The following RANBP2 variants were observed in gnomAD, a reference collection of about 807,000 sequenced individuals.
The protein encoded by RANBP2 is E3 SUMO-protein ligase RanBP2.
In RANBP2, 57 loss-of-function variants were observed where a neutral mutation model predicts 303.6. The ratio of observed to expected loss-of-function variants is 0.19; its 90% CI spans 0.15 to 0.23. The LOEUF (loss-of-function observed/expected upper bound fraction) is 0.23. Ranked by LOEUF, RANBP2 falls within the 10% of genes least tolerant of loss-of-function variation. The pLI is 1.00. For missense variants in RANBP2, 3,138 were observed against 3,780.8 expected, an observed-to-expected ratio of 0.83 and a Z score of 4.46; for synonymous variants, 1,167 against 1,301.5, an observed-to-expected ratio of 0.90 and a Z score of 2.23.
At chr2:109,667,202 A>G in the RANBP2 span, 14 of 1,222,024 alleles carry the variant, frequency 1.1e-5, no homozygotes, top group African/African-American at 1.5e-5. Flanking sequence ...AAGCCTTGCC[A>G]TTTAAGAACA....
the RANBP2 span, among the ~76,000 whole-genome samples, chr2:108,870,723 G>A: frequency 2.0e-5 from 3 of 152,322 alleles, no homozygotes; most frequent in East Asian, 5.8e-4. Flanking sequence ...AATAAGCCAG[G>A]CACAAAAGGA....
chr2:108,930,150 G>A, the RANBP2 span: 1 of 1,614,000 alleles, frequency 6.2e-7, no homozygotes, highest in South Asian at 1.1e-5. Flanking sequence ...GCCCACACGG[G>A]GGGCACTCCT....
At chr2:109,388,797 T>C in the RANBP2 span, among the ~76,000 whole-genome samples, 1 of 151,950 alleles carries the variant, frequency 6.6e-6, no homozygotes, top group African/African-American at 2.4e-5. Context: ...ACTTTGGCTT[T>C]GTTCTCCTAG....
chr2:108,855,643 C>T, the RANBP2 span, among the ~76,000 whole-genome samples: 1 of 152,198 alleles, frequency 6.6e-6, no homozygotes, highest in Admixed American at 6.5e-5. Context: ...TAAATTCTAC[C>T]AATGGTAAAA....
chr2:108,953,233 C>T, the RANBP2 span, among the ~76,000 whole-genome samples: 2 of 152,190 alleles, frequency 1.3e-5, no homozygotes, highest in Admixed American at 6.5e-5. Flanking sequence ...TTGCTTATCC[C>T]TGTGAGGCAT....
the RANBP2 span, among the ~76,000 whole-genome samples, chr2:109,028,997 C>G: frequency 6.6e-6 from 1 of 152,004 alleles, no homozygotes; most frequent in Non-Finnish European, 1.5e-5. Context: ...ATTGCCCAGG[C>G]TGGTCTCAAA....
chr2:109,505,446 G>A, the RANBP2 span, among the ~76,000 whole-genome samples: 2 of 152,202 alleles, frequency 1.3e-5, no homozygotes, highest in Admixed American at 6.5e-5. Flanking sequence ...GCTAAGGCAG[G>A]AGGATTGCTT....
At chr2:109,383,044 A>G in the RANBP2 span, among the ~76,000 whole-genome samples, 1 of 152,226 alleles carries the variant, frequency 6.6e-6, no homozygotes, top group Non-Finnish European at 1.5e-5. Flanking sequence ...CATTTAAAGA[A>G]GTTTGGAGGA....
the RANBP2 span, among the ~76,000 whole-genome samples, chr2:109,078,694 C>A: frequency 6.6e-6 from 1 of 150,410 alleles, no homozygotes; most frequent in Non-Finnish European, 1.5e-5. Flanking sequence ...AAAAAGGTGA[C>A]CATGTGGGCC....
chr2:109,471,714 C>T, the RANBP2 span, among the ~76,000 whole-genome samples: 1 of 152,212 alleles, frequency 6.6e-6, no homozygotes, highest in African/African-American at 2.4e-5. Context: ...CACTCACCCC[C>T]TTGCTGTCTC....
the RANBP2 span, among the ~76,000 whole-genome samples, chr2:109,692,065 AG>A: frequency 6.6e-6 from 1 of 152,314 alleles, no homozygotes; most frequent in South Asian, 2.1e-4. Flanking sequence ...TACAGGCGTG[AG>A]CCACCATGCC....
At chr2:109,297,903 T>A in the RANBP2 span, among the ~76,000 whole-genome samples, 8 of 151,320 alleles carry the variant, frequency 5.3e-5, no homozygotes, top group African/African-American at 1.9e-4. Context: ...CCCACAACCA[T>A]GTCAATGCTC....
chr2:108,721,501 C>T (rs1020043060), intron 1 of RANBP2, among the ~76,000 whole-genome samples: 13 of 152,064 alleles, frequency 8.5e-5, no homozygotes, highest in African/African-American at 2.9e-4. Flanking sequence ...GATGCAGTGG[C>T]GCTATCTCGA....
At chr2:109,034,674 T>G in the RANBP2 span, among the ~76,000 whole-genome samples, 1 of 152,212 alleles carries the variant, frequency 6.6e-6, no homozygotes, top group Non-Finnish European at 1.5e-5. Context: ...ACTCCTAGAT[T>G]CATTGCAAAT....
chr2:109,360,911 G>C, the RANBP2 span, among the ~76,000 whole-genome samples: 2 of 152,178 alleles, frequency 1.3e-5, no homozygotes, highest in Non-Finnish European at 2.9e-5. Flanking sequence ...TAGTGGGAAA[G>C]TTTAAAGTTT....
the RANBP2 span, among the ~76,000 whole-genome samples, chr2:109,106,515 A>G: frequency 3.3e-5 from 5 of 152,144 alleles, no homozygotes; most frequent in African/African-American, 1.2e-4. Flanking sequence ...TGTCAACACA[A>G]CCTGCAAAAT....
the RANBP2 span, among the ~76,000 whole-genome samples, chr2:109,497,526 T>C: frequency 7.2e-5 from 11 of 152,262 alleles, no homozygotes; most frequent in Admixed American, 7.2e-4. Context: ...ACCTTAATTA[T>C]ACTCAGCAGG....
the RANBP2 span, among the ~76,000 whole-genome samples, chr2:109,133,078 G>C: frequency 5.3e-3 from 811 of 152,328 alleles, 6 homozygotes; most frequent in African/African-American, 0.018. Context: ...TCTGGATGGA[G>C]CTGACAGTAG....
At chr2:109,066,445 C>T in the RANBP2 span, among the ~76,000 whole-genome samples, 1 of 152,198 alleles carries the variant, frequency 6.6e-6, no homozygotes, top group Non-Finnish European at 1.5e-5. Context: ...TCTCCATCCA[C>T]ACCTCGCCAC....
Sources: allele counts gnomAD v4.1 joint callset (sites outside exome capture counted in the v4.1 genomes callset), GRCh38; gene constraint gnomAD v4.1.1; transcripts MANE v1.5; gene names NCBI Gene and HGNC (gene_info 2026-07-23, HGNC 2026-07-21).